Variants in SLC24A4 observed in about 807,000 individuals in gnomAD.
The protein encoded by SLC24A4 is sodium/potassium/calcium exchanger 4.
Under a neutral mutation model 79.0 loss-of-function variants are expected in SLC24A4, and 53 were observed. The observed-to-expected ratio is 0.67, with a 90% CI of 0.54 to 0.84. The LOEUF (loss-of-function observed/expected upper bound fraction) is 0.84. Ranked by LOEUF, SLC24A4 falls within the 40% of genes least tolerant of loss-of-function variation. The pLI is 0.00. For missense variants in SLC24A4, 731 were observed against 822.0 expected (o/e 0.89, Z 1.35); for synonymous variants, 323 against 323.8 (o/e 1.00, Z 0.03).
chr14:92,347,378 A>C (rs1425771969), intron 2 of SLC24A4, among the ~76,000 whole-genome samples: 1 of 152,244 alleles, frequency 6.6e-6, no homozygotes, highest in Non-Finnish European at 1.5e-5. Context: ...AGTCGAAGAC[A>C]CTGAAGATTC....
At chr14:92,348,049 A>T in intron 2 of SLC24A4, among the ~76,000 whole-genome samples, 1 of 152,274 alleles carries the variant, frequency 6.6e-6, no homozygotes, top group East Asian at 1.9e-4. Flanking sequence ...TTGAGATGTT[A>T]GAGCTTCTTT....
chr14:92,483,956 T>G, intron 13 of SLC24A4: 1 of 1,236,004 alleles, frequency 8.1e-7, no homozygotes. Context: ...AGAGAAACCG[T>G]GTCGTTTGGT....
chr14:92,326,866 A>C (rs923526953), intron 2 of SLC24A4, among the ~76,000 whole-genome samples: 4 of 152,156 alleles, frequency 2.6e-5, no homozygotes, highest in African/African-American at 9.7e-5. Flanking sequence ...TCTCACCTGT[A>C]AATGGGCAGA....
chr14:92,360,945 G>A (rs1887473854), intron 2 of SLC24A4, among the ~76,000 whole-genome samples: 1 of 152,202 alleles, frequency 6.6e-6, no homozygotes, highest in African/African-American at 2.4e-5. Flanking sequence ...GACACTCCAT[G>A]TGCAGAAGTA....
chr14:92,379,962 G>T (rs146237535), intron 2 of SLC24A4, among the ~76,000 whole-genome samples: 1 of 152,122 alleles, frequency 6.6e-6, no homozygotes, highest in Non-Finnish European at 1.5e-5. Context: ...ACTCCCTGAC[G>T]TTGTGTCACA....
chr14:92,411,749 C>G (rs1053797369), intron 2 of SLC24A4, among the ~76,000 whole-genome samples: 1 of 151,970 alleles, frequency 6.6e-6, no homozygotes, highest in African/African-American at 2.4e-5. Flanking sequence ...TGATTGAGCA[C>G]ATACTCTATA....
intron 10 of SLC24A4, chr14:92,452,290 G>A (rs12881123): frequency 0.49 from 74,122 of 151,640 alleles, 18,856 homozygotes; most frequent in African/African-American, 0.63. Context: ...CTGAAGCTGC[G>A]TTTTCTGTGG....
chr14:92,454,119 G>T (rs373792264), intron 11 of SLC24A4, 50 bp downstream of exon 11: 55 of 1,570,840 alleles, frequency 3.5e-5, no homozygotes, highest in Non-Finnish European at 4.5e-5. Flanking sequence ...GATGCAGGAG[G>T]CCTTGGCTTG....
chr14:92,412,557 C>G (rs1890778983), intron 2 of SLC24A4, among the ~76,000 whole-genome samples: 1 of 152,186 alleles, frequency 6.6e-6, no homozygotes, highest in Non-Finnish European at 1.5e-5. Flanking sequence ...CCACAGCCCT[C>G]CTGTCCCCTC....
chr14:92,322,793 G>A (rs1202625701), upstream of SLC24A4, among the ~76,000 whole-genome samples: 1 of 152,122 alleles, frequency 6.6e-6, no homozygotes, highest in East Asian at 1.9e-4. Context: ...GGTGGGTGGC[G>A]GGGTGGGGAG....
rs925492042 is a variant in SLC24A4, at chr14:92,381,260, G to T, written c.242-52652G>T. 2.6e-5 allele frequency among the ~76,000 whole-genome samples: 4 copies of T among 152,238 alleles called. No homozygotes were observed. In the Middle Eastern group the frequency reaches 0.01, roughly 388 times the overall value. On this transcript the variant is annotated intron_variant, in intron 2 of 16. Transcript: ENST00000532405. ...GGAATACTATGCAGCCATAAAAAGG[G>T]GTGAGTTCATGTCCTTTGCAGGGAC... is the stretch of plus-strand genomic sequence containing the variant.
chr14:92,334,646 A>G (rs1287687079), intron 2 of SLC24A4, among the ~76,000 whole-genome samples: 3 of 152,142 alleles, frequency 2.0e-5, no homozygotes, highest in African/African-American at 4.8e-5. Context: ...TGTCTTGAAG[A>G]TGGTAGTTGG....
rs1889907998 is a variant in SLC24A4, at chr14:92,398,531, T to G, written c.242-35381T>G. Among the ~76,000 whole-genome samples, 1 of 152,160 alleles carries G rather than the reference T, an allele frequency of 6.6e-6. No homozygotes were observed. The highest frequency in any genetic ancestry group is 1.5e-5 in the Non-Finnish European group (1 of 68,014). On this transcript the variant is annotated intron_variant, in intron 2 of 16. Transcript: ENST00000532405. This position sits in a 1 kb window ranked among gnomAD's most constrained non-coding sequence, Gnocchi z 4.1. Reference sequence around the variant, plus strand: ...GATGTTATTGACATCTCCTTCTCTTTCCTGAAGTTTTCTGTGCCCTAAGAA... The same window carrying G: ...GATGTTATTGACATCTCCTTCTCTTGCCTGAAGTTTTCTGTGCCCTAAGAA...
At chr14:92,486,600 T>C in intron 13 of SLC24A4, 66 bp from the exon 14 acceptor site, 1 of 984,860 alleles carries the variant, frequency 1.0e-6, no homozygotes, top group Non-Finnish European at 1.6e-6. Flanking sequence ...TCTCTAATAC[T>C]AGGAATATTT....
chr14:92,440,930 G>A (rs1350744374), intron 4 of SLC24A4, among the ~76,000 whole-genome samples: 1 of 152,044 alleles, frequency 6.6e-6, no homozygotes, highest in Non-Finnish European at 1.5e-5. Context: ...GAGGAGGGAG[G>A]ACAGGAGGCA....
In SLC24A4 at chr14:92,447,416, G is replaced by A; in HGVS notation, c.729G>A (p.Leu243=). The change falls in exon 9 of 17, where the codon CTG becomes CTA. Residue 243 remains leucine (L), a synonymous_variant. Coordinates refer to ENST00000532405, the MANE Select transcript of SLC24A4 (RefSeq NM_153646.4). ...TCATCTTGTATGTGTTTTATATTCT[G>A]ATCATGAAGTAAGTGCCCTTTCTCC... ...VLIILYVFYI[L]IMKYNVKMQA... 1 of 1,614,084 alleles carries A rather than the reference G, an allele frequency of 6.2e-7. No homozygotes were observed. The highest frequency in any genetic ancestry group is 1.1e-5 in the South Asian group (1 of 91,080).
At chr14:92,419,908 C>G (rs181911287) in intron 2 of SLC24A4, among the ~76,000 whole-genome samples, 3 of 152,098 alleles carry the variant, frequency 2.0e-5, no homozygotes, top group Admixed American at 6.6e-5. Context: ...TGTACTTGGT[C>G]GAGAAGAGGT....
intron 10 of SLC24A4, chr14:92,453,531 T>C (rs12050165): frequency 0.078 from 13,341 of 171,656 alleles, 607 homozygotes; most frequent in East Asian, 0.14. Context: ...GGGTGAAAAG[T>C]GGTAGGCCCC....
Position 92,406,817 on chromosome 14 carries a change from G to A in SLC24A4, c.242-27095G>A, listed in dbSNP as rs144322772. 3.3e-5 allele frequency among the ~76,000 whole-genome samples: 5 copies of A among 152,116 alleles called. No homozygotes were observed. The East Asian group carries it at 9.7e-4, about 29-fold the overall frequency. On this transcript the variant is annotated intron_variant, in intron 2 of 16. Transcript: ENST00000532405. ...CTTGTGATGGGGGGGTCTCTGAAAT[G>A]CCCTGGAGACATTTTCCCCATTGTC...
Sources: allele counts gnomAD v4.1 joint callset (sites outside exome capture counted in the v4.1 genomes callset), GRCh38; gene constraint gnomAD v4.1.1; non-coding constraint Gnocchi (gnomAD v3.1); transcripts MANE v1.5; gene names NCBI Gene and HGNC (gene_info 2026-07-23, HGNC 2026-07-21).